Variants in NPNT observed in about 807,000 individuals in gnomAD.
NPNT encodes nephronectin.
A neutral mutation model predicts 68.6 loss-of-function variants in NPNT; 45 were observed. The ratio of observed to expected loss-of-function variants is 0.66; its 90% CI spans 0.52 to 0.84. NPNT has a LOEUF of 0.84. Ranked by LOEUF, NPNT falls within the 40% of genes least tolerant of loss-of-function variation. The pLI, the probability that NPNT is intolerant of heterozygous loss-of-function variation, is 0.00. For missense variants in NPNT, 672 were observed against 714.8 expected, an observed-to-expected ratio of 0.94 and a Z score of 0.68; for synonymous variants, 233 against 253.3, an observed-to-expected ratio of 0.92 and a Z score of 0.76.
At chr4:105,898,328 G>GTCTCTCTCTCTCTCTCTCTCTCTCTCTC (rs66945682) in intron 2 of NPNT, among the ~76,000 whole-genome samples, 16 of 53,986 alleles carry the variant, frequency 3.0e-4, no homozygotes, top group Admixed American at 8.4e-4. Flanking sequence ...CTCTCTCTCT[G>GTCTCTCTCTCTCTCTCTCTCTCTCTCTC]TCTCTCTCTC....
Position 105,895,694 on chromosome 4 carries a change from C to T in NPNT, c.42C>T (p.Tyr14=). Reference sequence around the variant, plus strand: ...CGCTGGTGCTGGTATCCTCGCTCTACCTGCAGGCGGCCGCCGAGTTCGACG... The same window carrying T: ...CGCTGGTGCTGGTATCCTCGCTCTATCTGCAGGCGGCCGCCGAGTTCGACG... The part of the protein sequence containing the change: ...LLALVLVSSL[Y]LQAAAEFDGR... The change falls in exon 1 of 12, where the codon TAC becomes TAT. Residue 14 remains tyrosine, a synonymous_variant. Transcript: ENST00000379987. 6.4e-7 allele frequency: 1 copy of T among 1,554,070 alleles called. No individual in the cohort carries two copies. Among genetic ancestry groups the T allele is most frequent in the Non-Finnish European group, 8.7e-7 (1 of 1,148,284 alleles).
At chr4:105,902,866 C>T (rs1726531123) in intron 2 of NPNT, 1 of 152,058 alleles carries the variant, frequency 6.6e-6, no homozygotes, top group Non-Finnish European at 1.5e-5. Flanking sequence ...TATTCTTTTC[C>T]CCAATCAGAA....
At position 105,916,132 on chromosome 4, in the gene NPNT, G is replaced by T. The variant is rs375766024; in HGVS notation, c.173-11204G>T. ...ATATTTTCTTTTTTTCCCTCTTTTG[G>T]TTGCCTTTTTTTGTTTTACATCACC... is the stretch of plus-strand genomic sequence containing the variant. On this transcript the variant is annotated intron_variant, in intron 2 of 11. Coordinates refer to ENST00000379987, the MANE Select transcript of NPNT (RefSeq NM_001033047.3). Among the ~76,000 whole-genome samples, 145 of 151,828 alleles carry T rather than the reference G, an allele frequency of 9.6e-4. 1 individual carries two copies. Among genetic ancestry groups the T allele is most frequent in the African/African-American group, 3.3e-3 (137 of 41,412 alleles).
chr4:105,924,994 A>C (rs1163027577), intron 2 of NPNT, among the ~76,000 whole-genome samples: 1 of 152,044 alleles, frequency 6.6e-6, no homozygotes, highest in East Asian at 1.9e-4. Flanking sequence ...TGCATATATA[A>C]ATGTTAAGAT....
chr4:105,965,433 T>C (rs1299131752), intron 10 of NPNT, among the ~76,000 whole-genome samples: 2 of 150,254 alleles, frequency 1.3e-5, no homozygotes, highest in African/African-American at 4.9e-5. Flanking sequence ...AGAACAATCA[T>C]AACCTCATTT....
rs1023650239 is a variant in NPNT at position 105,934,167 on chromosome 4, G to C, written c.266-2842G>C. Among the ~76,000 whole-genome samples the C allele has an allele frequency of 3.4e-4, 52 of 152,212 alleles. 2 individuals are homozygous for C. Among genetic ancestry groups the C allele is most frequent in the Admixed American group, 3.3e-3 (51 of 15,282 alleles). On this transcript the variant is annotated intron_variant, in intron 3 of 11. Coordinates refer to ENST00000379987, the MANE Select transcript of NPNT (RefSeq NM_001033047.3). ...TTTTGTTCTGCTTATTATTGTAGGAGTATTTACTATAATTTGGAAGTAATT... is the reference window on the plus strand; with the variant it reads ...TTTTGTTCTGCTTATTATTGTAGGACTATTTACTATAATTTGGAAGTAATT...
chr4:105,967,577 G>A, intron 11 of NPNT, 133 bp downstream of exon 11: 2 of 787,578 alleles, frequency 2.5e-6, no homozygotes, highest in Non-Finnish European at 3.8e-6. Flanking sequence ...TTCTGGGCCT[G>A]ATGACTCCAT....
intron 8 of NPNT, among the ~76,000 whole-genome samples, chr4:105,947,104 T>A (rs182632582): frequency 4.6e-5 from 7 of 152,314 alleles, no homozygotes; most frequent in Admixed American, 4.6e-4. Context: ...AGCAATATTA[T>A]CCTACTTGCA....
At chr4:105,958,899 A>G (rs10029346) in intron 9 of NPNT, 129 bp from the exon 10 acceptor site, 56,515 of 635,574 alleles carry the variant, frequency 0.089, 3,028 homozygotes, top group African/African-American at 0.17. Context: ...CTTTGGTCTT[A>G]TGGAAAGAAG....
chr4:105,961,992 T>C (rs763959296), intron 10 of NPNT, among the ~76,000 whole-genome samples: 11 of 152,158 alleles, frequency 7.2e-5, no homozygotes, highest in Non-Finnish European at 1.5e-4. Context: ...GAGTCGAAGT[T>C]ATGGCTCATA....
chr4:105,955,504 C>T (rs1396873339), intron 8 of NPNT, among the ~76,000 whole-genome samples: 1 of 151,854 alleles, frequency 6.6e-6, no homozygotes, highest in Non-Finnish European at 1.5e-5. Flanking sequence ...TAACAGAACC[C>T]TCTTTTATTT....
intron 8 of NPNT, among the ~76,000 whole-genome samples, chr4:105,953,687 C>A (rs1199081022): frequency 6.6e-6 from 1 of 152,154 alleles, no homozygotes; most frequent in Non-Finnish European, 1.5e-5. Flanking sequence ...CTCTAAAAGC[C>A]TCTAGGTTTT....
At chr4:105,899,149 G>C (rs185051705) in intron 2 of NPNT, among the ~76,000 whole-genome samples, 1 of 152,246 alleles carries the variant, frequency 6.6e-6, no homozygotes, top group Non-Finnish European at 1.5e-5. Context: ...CCTTAATTTT[G>C]TGAAAGAGGG....
chr4:105,958,127 C>T (rs557315648), intron 8 of NPNT, among the ~76,000 whole-genome samples: 1 of 152,198 alleles, frequency 6.6e-6, no homozygotes, highest in Non-Finnish European at 1.5e-5. Flanking sequence ...ATGTATCTTT[C>T]GTAGAGATGA....
chr4:105,912,013 GT>G (rs1727408334), intron 2 of NPNT: 1 of 568,824 alleles, frequency 1.8e-6, no homozygotes, highest in Non-Finnish European at 3.1e-6. Flanking sequence ...TAACAAAATG[GT>G]GACTAAAATA....
At chr4:105,938,164 A>T in intron 4 of NPNT, 137 bp from the exon 5 acceptor site, 4 of 648,800 alleles carry the variant, frequency 6.2e-6, no homozygotes, top group South Asian at 2.4e-5. Context: ...TTTTCTTTAG[A>T]TGTTTGATAG....
At chr4:105,916,776 CTT>C (rs549836183) in intron 2 of NPNT, among the ~76,000 whole-genome samples, 4 of 152,112 alleles carry the variant, frequency 2.6e-5, no homozygotes, top group Non-Finnish European at 5.9e-5. Context: ...GAGGCAGTGT[CTT>C]ATACATCTTT....
chr4:105,967,286 T>G lies in NPNT; in HGVS notation c.1444T>G (p.Cys482Gly), dbSNP rs779016485. 4 of 1,614,030 alleles carry G rather than the reference T, an allele frequency of 2.5e-6. No homozygotes were observed. The change falls in exon 11 of 12, where the codon TGC (cysteine) becomes GGC (glycine). Residue 482 changes from cysteine (C) to glycine (G), a missense_variant. Physicochemically the swap from Cys to Gly is radical, Grantham distance 159 (BLOSUM62 -3). Transcript: ENST00000379987. Reference sequence around the variant, plus strand: ...CCGCCTCATGCATTCAGGGGACCTGTGCCTGTCATTCAGGCACAAGGTGAC... The same window carrying G: ...CCGCCTCATGCATTCAGGGGACCTGGGCCTGTCATTCAGGCACAAGGTGAC... ...LGRLMHSGDL[C>G]LSFRHKVTGL... is the part of the protein sequence containing the mutation.
intron 3 of NPNT, among the ~76,000 whole-genome samples, chr4:105,928,944 T>C (rs962381634): frequency 3.3e-5 from 5 of 151,714 alleles, no homozygotes; most frequent in African/African-American, 1.2e-4. Context: ...TTTTTTTCAC[T>C]ATTTATTTTT....
Sources: gnomAD v4.1 joint callset for allele counts (sites outside exome capture counted in the v4.1 genomes callset) on GRCh38, gnomAD v4.1.1 for gene constraint, MANE v1.5 for transcripts, NCBI Gene and HGNC (gene_info 2026-07-23, HGNC 2026-07-21) for gene names.